The following CNBD1 variants were observed in gnomAD, a reference collection of about 807,000 sequenced individuals.
CNBD1 encodes the protein cyclic nucleotide-binding domain-containing protein 1.
CNBD1 carries 71 observed loss-of-function variants against 54.4 expected under a neutral mutation model. The observed-to-expected ratio is 1.30, with a 90% CI of 1.08 to 1.59. The LOEUF (loss-of-function observed/expected upper bound fraction) is 1.59. CNBD1 is among the 40% of genes most tolerant of loss of function. The pLI is 0.00. For synonymous variants in CNBD1, 182 were observed against 170.7 expected (o/e 1.07, Z -0.51); for missense variants, 659 against 518.0 (o/e 1.27, Z -2.64).
chr8:87,053,715 G>A (rs1436209508), intron 4 of CNBD1, among the ~76,000 whole-genome samples: 1 of 152,128 alleles, frequency 6.6e-6, no homozygotes, highest in Admixed American at 6.5e-5. Flanking sequence ...TAACTCCCTT[G>A]CGTGACTGGT....
chr8:87,105,281 G>T (rs1373724084), intron 4 of CNBD1, among the ~76,000 whole-genome samples: 1 of 152,004 alleles, frequency 6.6e-6, no homozygotes, highest in Non-Finnish European at 1.5e-5. Context: ...GAGAATAGAT[G>T]ACTATTTCAA....
chr8:87,025,373 C>T (rs1012673357), intron 4 of CNBD1, among the ~76,000 whole-genome samples: 9 of 152,208 alleles, frequency 5.9e-5, no homozygotes, highest in African/African-American at 1.7e-4. Context: ...CTGCTGCTCA[C>T]TCTTTGGGTC....
chr8:87,253,832 ATAAAC>A (rs1228873612), intron 6 of CNBD1, among the ~76,000 whole-genome samples: 1 of 152,192 alleles, frequency 6.6e-6, no homozygotes, highest in Non-Finnish European at 1.5e-5. Context: ...AACATTAAAC[ATAAAC>A]TAAATAGTCA....
At chr8:87,031,443 C>T (rs181400185) in intron 4 of CNBD1, among the ~76,000 whole-genome samples, 1 of 152,174 alleles carries the variant, frequency 6.6e-6, no homozygotes, top group Non-Finnish European at 1.5e-5. Context: ...ATCAGTAGGG[C>T]TCATTTTGAT....
chr8:87,368,387 G>A (rs1475117915), intron 10 of CNBD1, among the ~76,000 whole-genome samples: 1 of 151,948 alleles, frequency 6.6e-6, no homozygotes, highest in Non-Finnish European at 1.5e-5. Context: ...TGTAATTCCA[G>A]CATTTTAGGA....
At chr8:87,147,890 A>G (rs892790725) in intron 4 of CNBD1, among the ~76,000 whole-genome samples, 12 of 151,964 alleles carry the variant, frequency 7.9e-5, no homozygotes, top group Admixed American at 2.0e-4. Flanking sequence ...TTTACTTTCT[A>G]TTTTTTAGGA....
chr8:87,349,540 T>C (rs1281551780), intron 8 of CNBD1, among the ~76,000 whole-genome samples: 1 of 152,146 alleles, frequency 6.6e-6, no homozygotes, highest in East Asian at 1.9e-4. Flanking sequence ...CAGGCCCAAC[T>C]AGTTTTTGTA....
chr8:87,223,803 T>C (rs1814406986), intron 5 of CNBD1, among the ~76,000 whole-genome samples: 1 of 152,124 alleles, frequency 6.6e-6, no homozygotes, highest in Non-Finnish European at 1.5e-5. Context: ...TCTAGATCCC[T>C]GAGGAATCGC....
intron 8 of CNBD1, among the ~76,000 whole-genome samples, chr8:87,348,349 G>A (rs17631942): frequency 1.3e-5 from 2 of 152,036 alleles, no homozygotes; most frequent in Admixed American, 1.3e-4. Flanking sequence ...CATGGTATTC[G>A]CATTGGTATG....
At chr8:87,158,966 A>G (rs1351891155) in intron 4 of CNBD1, among the ~76,000 whole-genome samples, 3 of 152,174 alleles carry the variant, frequency 2.0e-5, no homozygotes, top group Non-Finnish European at 1.5e-5. Context: ...GGATCAAGCT[A>G]TAAATCTGTT....
intron 4 of CNBD1, among the ~76,000 whole-genome samples, chr8:87,013,398 G>C (rs1418874375): frequency 6.6e-6 from 1 of 152,056 alleles, no homozygotes; most frequent in Non-Finnish European, 1.5e-5. Flanking sequence ...TCTCAAAAGA[G>C]GTTTATGGCA....
chr8:86,912,925 C>T (rs1809126711), intron 3 of CNBD1, among the ~76,000 whole-genome samples: 1 of 150,248 alleles, frequency 6.7e-6, no homozygotes, highest in Non-Finnish European at 1.5e-5. Flanking sequence ...TGTGTAACAA[C>T]AACAAAAAGA....
chr8:87,269,855 A>T (rs1468323115), intron 6 of CNBD1, among the ~76,000 whole-genome samples: 4 of 152,044 alleles, frequency 2.6e-5, no homozygotes, highest in Non-Finnish European at 5.9e-5. Flanking sequence ...AGCTAGTACC[A>T]TTCCTAGTGA....
At chr8:87,319,861 G>T (rs1809481781) in intron 8 of CNBD1, among the ~76,000 whole-genome samples, 1 of 151,984 alleles carries the variant, frequency 6.6e-6, no homozygotes, top group South Asian at 2.1e-4. Context: ...ATGTGTATGA[G>T]CCTACATAAT....
intron 4 of CNBD1, among the ~76,000 whole-genome samples, chr8:87,003,078 T>A (rs1809026262): frequency 6.6e-6 from 1 of 152,140 alleles, no homozygotes; most frequent in Admixed American, 6.6e-5. Flanking sequence ...TTATTTTCAT[T>A]TTGGAAGAAG....
At chr8:86,923,298 T>C (rs936367573) in intron 3 of CNBD1, among the ~76,000 whole-genome samples, 12 of 152,016 alleles carry the variant, frequency 7.9e-5, no homozygotes, top group Non-Finnish European at 1.3e-4. Flanking sequence ...CTGAGGTGAA[T>C]TGGAGTCCTA....
chr8:87,393,022 A>G (rs1028317230), intron 2 of CNBD1, among the ~76,000 whole-genome samples: 13 of 151,910 alleles, frequency 8.6e-5, no homozygotes, highest in African/African-American at 2.7e-4. Flanking sequence ...GAGGTTTTTG[A>G]TGTTAGGACT....
intron 10 of CNBD1, among the ~76,000 whole-genome samples, chr8:87,375,296 A>C (rs958879949): frequency 6.6e-6 from 1 of 151,928 alleles, no homozygotes; most frequent in Non-Finnish European, 1.5e-5. Flanking sequence ...CAAATGTCAT[A>C]GGGTAAGCTG....
At chr8:87,388,622 C>CA (rs1379838157) in intron 2 of CNBD1, among the ~76,000 whole-genome samples, 4 of 152,030 alleles carry the variant, frequency 2.6e-5, no homozygotes, top group African/African-American at 9.6e-5. Context: ...GCTTACCAAC[C>CA]AAAAAAAGTC....
Sources: allele counts gnomAD v4.1 joint callset (sites outside exome capture counted in the v4.1 genomes callset), GRCh38; gene constraint gnomAD v4.1.1; transcripts MANE v1.5; gene names NCBI Gene and HGNC (gene_info 2026-07-23, HGNC 2026-07-21).